MYH11: variants seen among roughly 807,000 people sequenced by gnomAD.
MYH11 encodes the protein myosin heavy chain 11.
MYH11 carries 80 observed loss-of-function variants against 246.6 expected under a neutral mutation model. That is an observed-to-expected ratio of 0.32 (90% CI 0.27 to 0.39). The LOEUF is 0.39. Ranked by LOEUF, MYH11 falls within the 10% of genes least tolerant of loss-of-function variation. The pLI, the probability that MYH11 is intolerant of heterozygous loss-of-function variation, is 1.00. For missense variants in MYH11, 2,158 were observed against 2,546.8 expected, an observed-to-expected ratio of 0.85 and a Z score of 3.29; for synonymous variants, 1,071 against 1,015.5, an observed-to-expected ratio of 1.05 and a Z score of -1.04.
rs1567718928 is a variant in MYH11 at position 15,741,840 on chromosome 16, C to T, written c.2572G>A (p.Glu858Lys). The T allele has an allele frequency of 1.9e-6, 3 of 1,614,210 alleles. No homozygotes were observed. The highest frequency in any genetic ancestry group is 2.7e-5 in the African/African-American group (2 of 75,042). ...TCCTTGGTCTTCTGCAGTTCATCCT[C>T]CTTGGCCTGCATCTCCTCCTCCTGC... ...TRQEEEMQAK[E>K]DELQKTKERQ... is the part of the protein sequence containing the mutation. The change falls in exon 21 of 41, where the codon GAG becomes AAG. Residue 858 changes from glutamate to lysine, a missense_variant. Transcript: ENST00000300036.
rs752571362 is a variant in MYH11, at chr16:15,760,647, C to T, written c.1141G>A (p.Val381Ile). 13 of 1,608,230 alleles carry T rather than the reference C, an allele frequency of 8.1e-6. No homozygotes were observed. The highest frequency in any genetic ancestry group is 1.1e-5 in the Non-Finnish European group (13 of 1,174,634). Residue 381 changes from valine (V) to isoleucine (I), a missense_variant, in exon 11 of 41, where the codon GTT (valine) becomes ATT (isoleucine). By Grantham distance (29) the Val-to-Ile change is conservative. Coordinates refer to ENST00000300036, the MANE Select transcript of MYH11 (RefSeq NM_002474.3). ...ACATTAATTCCCATGAGGTGGCAAA[C>T]TTTCTGAGCAGCTGGATGGAGAAAA... ...SMPDNTAAQK[V>I]CHLMGINVTD...
intron 40 of MYH11, chr16:15,713,296 G>C (rs1285498698): frequency 7.3e-6 from 1 of 136,412 alleles, no homozygotes; most frequent in African/African-American, 2.6e-5. Context: ...GTAGGATGAT[G>C]AGGCAGTGGG....
At chr16:15,798,984 C>T (rs112797385) in intron 3 of MYH11, among the ~76,000 whole-genome samples, 130 of 152,350 alleles carry the variant, frequency 8.5e-4, no homozygotes, top group African/African-American at 3.0e-3. Flanking sequence ...GCCCACCCCA[C>T]CCAGATTAGG....
At chr16:15,833,672 G>C (rs911795981) in intron 2 of MYH11, among the ~76,000 whole-genome samples, 2 of 152,120 alleles carry the variant, frequency 1.3e-5, no homozygotes, top group Non-Finnish European at 2.9e-5. Context: ...CCTTCTCAAG[G>C]GCACATCGTT....
In MYH11 at chr16:15,704,036, C is replaced by T. The variant is rs761000142; in HGVS notation, c.5874G>A (p.Thr1958=). The change falls in exon 41 of 41, where the codon ACG becomes ACA. Residue 1958 remains threonine (T), a synonymous_variant. Transcript: ENST00000300036. ...IENADGSEEE[T]DTRDADFNGT... ...CATTGAAGTCTGCGTCTCGAGTGTC[C>T]GTTTCCTCCTCAGAACCATCTGCAT... is the stretch of plus-strand genomic sequence containing the variant. 1.8e-5 allele frequency: 29 copies of T among 1,613,918 alleles called. No individual in the cohort carries two copies. Among genetic ancestry groups the T allele is most frequent in the Admixed American group, 1.0e-4 (6 of 59,964 alleles).
intron 7 of MYH11, among the ~76,000 whole-genome samples, chr16:15,778,192 A>G (rs1419216349): frequency 6.6e-6 from 1 of 152,196 alleles, no homozygotes; most frequent in Non-Finnish European, 1.5e-5. Context: ...GGTTCATGAA[A>G]GAGATGCTCT....
At chr16:15,765,398 G>A (rs2041960107) in intron 9 of MYH11, among the ~76,000 whole-genome samples, 1 of 151,998 alleles carries the variant, frequency 6.6e-6, no homozygotes, top group South Asian at 2.1e-4. Context: ...ATAGATGGAT[G>A]GAGAATTGAT....
intron 9 of MYH11, among the ~76,000 whole-genome samples, chr16:15,768,572 C>T (rs1036780169): frequency 6.6e-5 from 10 of 152,174 alleles, no homozygotes; most frequent in African/African-American, 2.2e-4. Flanking sequence ...TGCACGCCAT[C>T]GTCTGAATGC....
chr16:15,848,692 A>C (rs2044260832), intron 1 of MYH11, among the ~76,000 whole-genome samples: 1 of 152,180 alleles, frequency 6.6e-6, no homozygotes, highest in South Asian at 2.1e-4. Context: ...GTCTCCAGAC[A>C]CTGCTAGATG....
At chr16:15,763,943 C>G in intron 9 of MYH11, 52 bp from the exon 10 acceptor site, 1 of 1,493,212 alleles carries the variant, frequency 6.7e-7, no homozygotes. Context: ...TGCCAAGGTA[C>G]CCTGGAGTTT....
chr16:15,804,023 A>G (rs1199611510), intron 3 of MYH11, among the ~76,000 whole-genome samples: 1 of 152,060 alleles, frequency 6.6e-6, no homozygotes, highest in Non-Finnish European at 1.5e-5. Flanking sequence ...TTTTTATCTG[A>G]TTCCTTCCCC....
chr16:15,747,815 G>A (rs2041460033), intron 18 of MYH11, 59 bp downstream of exon 18: 1 of 1,612,400 alleles, frequency 6.2e-7, no homozygotes, highest in Non-Finnish European at 8.5e-7. Flanking sequence ...GTCCCACCAA[G>A]AGCAGCAGGT....
intron 9 of MYH11, 77 bp downstream of exon 9, chr16:15,771,492 T>C: frequency 2.7e-6 from 4 of 1,505,762 alleles, no homozygotes; most frequent in Non-Finnish European, 3.7e-6. Flanking sequence ...AAATCTGTCC[T>C]GACCAGAGAA....
chr16:15,798,628 A>AAAAAAAAAAAAAAAAAAAG, intron 4 of MYH11, 32 bp downstream of exon 4: 1 of 1,573,704 alleles, frequency 6.4e-7, no homozygotes, highest in East Asian at 2.2e-5. Flanking sequence ...AAAAAACAAA[A>AAAAAAAAAAAAAAAAAAAG]AAAAAACAGA....
rs774403210 is a variant in MYH11, at chr16:15,703,942, G to A, written c.*49C>T. ...GTTGTTGGGTTTTTTTTGTTTGTTT[G>A]TTTTGGTTTTTGGTTTTCTTGCCGT... On this transcript the variant is annotated 3_prime_UTR_variant, in exon 41 of 41. Transcript: ENST00000300036. 2 of 1,612,730 alleles carry A rather than the reference G, an allele frequency of 1.2e-6. No individual in the cohort carries two copies. The highest frequency in any genetic ancestry group is 1.7e-6 in the Non-Finnish European group (2 of 1,179,238).
intron 10 of MYH11, 36 bp downstream of exon 10, chr16:15,763,760 C>A: frequency 8.4e-7 from 1 of 1,192,078 alleles, no homozygotes; most frequent in East Asian, 2.4e-5. Flanking sequence ...CCCCCAACCC[C>A]AAAGTCATTG....
At chr16:15,828,457 C>T (rs2043629657) in intron 2 of MYH11, among the ~76,000 whole-genome samples, 2 of 152,130 alleles carry the variant, frequency 1.3e-5, no homozygotes, top group African/African-American at 4.8e-5. Context: ...AATGTTACCT[C>T]CTGGACTGTG....
At chr16:15,717,494 C>T in intron 37 of MYH11, 146 bp from the exon 38 acceptor site, 1 of 781,670 alleles carries the variant, frequency 1.3e-6, no homozygotes. Context: ...TGTAAAACTC[C>T]ACTCAAGAGC....
At chr16:15,728,635 C>T (rs2040869385) in intron 27 of MYH11, among the ~76,000 whole-genome samples, 1 of 152,122 alleles carries the variant, frequency 6.6e-6, no homozygotes, top group Non-Finnish European at 1.5e-5. Flanking sequence ...CGCGGTGGCT[C>T]AGGCCTAGAA....
Sources: allele counts gnomAD v4.1 joint callset (sites outside exome capture counted in the v4.1 genomes callset), GRCh38; gene constraint gnomAD v4.1.1; transcripts MANE v1.5; gene names NCBI Gene and HGNC (gene_info 2026-07-23, HGNC 2026-07-21).